PCCA: variants seen among roughly 807,000 people sequenced by gnomAD.
The protein encoded by PCCA is propionyl-CoA carboxylase alpha chain, mitochondrial.
A neutral mutation model predicts 101.3 loss-of-function variants in PCCA; 74 were observed. That is an observed-to-expected ratio of 0.73 (90% CI 0.61 to 0.89). PCCA has a LOEUF of 0.89. PCCA is among the 40% of genes least tolerant of loss of function. The pLI is 0.00. For synonymous variants in PCCA, 294 were observed against 313.6 expected (o/e 0.94, Z 0.66); for missense variants, 891 against 907.0 (o/e 0.98, Z 0.23).
At chr13:100,413,537 T>G (rs2078179073) in intron 19 of PCCA, among the ~76,000 whole-genome samples, 1 of 152,148 alleles carries the variant, frequency 6.6e-6, no homozygotes, top group African/African-American at 2.4e-5. Context: ...AAAATAGATC[T>G]CTAATAATCA....
intron 21 of PCCA, among the ~76,000 whole-genome samples, chr13:100,461,321 T>TA (rs2082149012): frequency 6.6e-6 from 1 of 152,242 alleles, no homozygotes; most frequent in African/African-American, 2.4e-5. Flanking sequence ...TATTTATAGA[T>TA]ATGTAAACAT....
At chr13:100,110,009 C>T (rs952184983) in intron 2 of PCCA, among the ~76,000 whole-genome samples, 5 of 151,964 alleles carry the variant, frequency 3.3e-5, no homozygotes, top group Non-Finnish European at 7.4e-5. Flanking sequence ...TGGTGCGCAC[C>T]TGTAATCCCA....
At chr13:100,388,770 G>C (rs547101391) in intron 19 of PCCA, among the ~76,000 whole-genome samples, 4 of 152,268 alleles carry the variant, frequency 2.6e-5, no homozygotes, top group Admixed American at 2.6e-4. Context: ...ACTCCAGCCT[G>C]GGTGACAAGA....
chr13:100,342,504 G>T (rs1006045615), intron 18 of PCCA, among the ~76,000 whole-genome samples: 1 of 151,784 alleles, frequency 6.6e-6, no homozygotes, highest in Non-Finnish European at 1.5e-5. Context: ...CTGACCTCAG[G>T]TGATCCACCC....
chr13:100,476,743 A>G (rs1030025541), intron 21 of PCCA, among the ~76,000 whole-genome samples: 119 of 152,312 alleles, frequency 7.8e-4, no homozygotes, highest in African/African-American at 2.8e-3. Context: ...CTGCACCTAA[A>G]TACAAATTCA....
intron 1 of PCCA, among the ~76,000 whole-genome samples, chr13:100,098,508 C>T: frequency 6.6e-6 from 1 of 152,120 alleles, no homozygotes; most frequent in Non-Finnish European, 1.5e-5. Context: ...CTTGGCCAGG[C>T]AGGGTCGGGG....
At chr13:100,149,379 G>A (rs1281131811) in intron 4 of PCCA, 1 of 151,652 alleles carries the variant, frequency 6.6e-6, no homozygotes, top group Non-Finnish European at 1.5e-5. Flanking sequence ...TCACATTGTT[G>A]TGCAGCCATC....
intron 12 of PCCA, among the ~76,000 whole-genome samples, chr13:100,295,868 G>A (rs1195982994): frequency 6.6e-6 from 1 of 152,122 alleles, no homozygotes; most frequent in Non-Finnish European, 1.5e-5. Flanking sequence ...CTTTTTACAT[G>A]TTGTGACTTT....
intron 16 of PCCA, among the ~76,000 whole-genome samples, chr13:100,327,253 A>G (rs1447969475): frequency 1.3e-5 from 2 of 152,144 alleles, no homozygotes; most frequent in African/African-American, 2.4e-5. Flanking sequence ...GTGTAACCAC[A>G]TGATCTGCTT....
intron 19 of PCCA, among the ~76,000 whole-genome samples, chr13:100,376,897 G>A (rs925148104): frequency 5.9e-5 from 9 of 152,290 alleles, no homozygotes; most frequent in African/African-American, 1.9e-4. Context: ...CCAAACAGCC[G>A]CCCAGTTTTG....
At chr13:100,186,234 G>C (rs958562234) in intron 6 of PCCA, among the ~76,000 whole-genome samples, 9 of 152,116 alleles carry the variant, frequency 5.9e-5, no homozygotes, top group African/African-American at 2.2e-4. Context: ...TTTTTAGTTA[G>C]ACAAAAATGG....
intron 21 of PCCA, among the ~76,000 whole-genome samples, chr13:100,451,362 A>G (rs1438563692): frequency 1.3e-5 from 2 of 152,206 alleles, no homozygotes; most frequent in Non-Finnish European, 2.9e-5. Flanking sequence ...GCAATAGATA[A>G]TTCTTCCAGA....
intron 12 of PCCA, among the ~76,000 whole-genome samples, chr13:100,274,020 A>G (rs953952107): frequency 6.6e-6 from 1 of 152,204 alleles, no homozygotes; most frequent in Admixed American, 6.5e-5. Flanking sequence ...GCAAAAATCA[A>G]TGTAAACATC....
At chr13:100,158,135 C>T (rs536974047) in intron 6 of PCCA, among the ~76,000 whole-genome samples, 22 of 152,266 alleles carry the variant, frequency 1.4e-4, no homozygotes, top group Non-Finnish European at 2.2e-4. Context: ...CAAACCTATA[C>T]GTGTTGCTGT....
intron 21 of PCCA, among the ~76,000 whole-genome samples, chr13:100,478,136 G>T (rs758910231): frequency 1.3e-5 from 2 of 152,220 alleles, no homozygotes; most frequent in Non-Finnish European, 2.9e-5. Flanking sequence ...GAAGAGGAAT[G>T]GTAGGTCTGA....
At chr13:100,339,522 G>A (rs1451097967) in intron 17 of PCCA, among the ~76,000 whole-genome samples, 5 of 152,158 alleles carry the variant, frequency 3.3e-5, no homozygotes, top group East Asian at 1.9e-4. Context: ...GAAGAATTAC[G>A]CAAATTCTTC....
At chr13:100,131,178 C>T (rs1340217077) in intron 4 of PCCA, among the ~76,000 whole-genome samples, 1 of 152,080 alleles carries the variant, frequency 6.6e-6, no homozygotes, top group Non-Finnish European at 1.5e-5. Context: ...CCCTCATTCT[C>T]TGTGAGGTCT....
intron 4 of PCCA, among the ~76,000 whole-genome samples, chr13:100,117,214 CT>C (rs1182314761): frequency 6.6e-6 from 1 of 151,916 alleles, no homozygotes; most frequent in African/African-American, 2.4e-5. Context: ...ATGTTGAGTA[CT>C]TTTTTGTGTT....
chr13:100,401,467 C>T (rs1340657109), intron 19 of PCCA, among the ~76,000 whole-genome samples: 1 of 152,140 alleles, frequency 6.6e-6, no homozygotes, highest in Non-Finnish European at 1.5e-5. Flanking sequence ...TGCTTTCGAA[C>T]TCGTGACCTT....
Sources: gnomAD v4.1 joint callset for allele counts (sites outside exome capture counted in the v4.1 genomes callset) on GRCh38, gnomAD v4.1.1 for gene constraint, MANE v1.5 for transcripts, NCBI Gene and HGNC (gene_info 2026-07-23, HGNC 2026-07-21) for gene names.